MRPL13: variants seen among roughly 807,000 people sequenced by gnomAD.
The protein encoded by MRPL13 is mitochondrial ribosomal protein L13, also known as large ribosomal subunit protein uL13m.
MRPL13 carries 33 observed loss-of-function variants against 29.0 expected under a neutral mutation model. That is an observed-to-expected ratio of 1.14 (90% confidence interval 0.86 to 1.52). The LOEUF is 1.52. Ranked by LOEUF, MRPL13 falls within the 40% of genes most tolerant of loss-of-function variation. The pLI, the probability that MRPL13 is intolerant of heterozygous loss-of-function variation, is 0.00. For missense variants in MRPL13, 227 were observed against 216.7 expected (o/e 1.05, Z -0.30); for synonymous variants, 77 against 68.4 (o/e 1.13, Z -0.62).
rs368883631 is a variant in MRPL13, at chr8:120,415,571, G to A, written c.394-1459C>T. ...ATAGCAAAATATTTATAATATTTTA[G>A]GCAATTTAAATGAATTTTAAAAATT... On this transcript the variant is annotated intron_variant, in intron 5 of 6. Coordinates refer to ENST00000306185, the MANE Select transcript of MRPL13 (RefSeq NM_014078.6). 123 of 152,180 alleles carry A rather than the reference G, an allele frequency of 8.1e-4. 1 individual carries two copies. The highest frequency in any genetic ancestry group is 2.8e-3 in the African/African-American group (115 of 41,518). 9.4% of individuals were successfully genotyped at this position (152,180 alleles called of 1,614,324 possible). A position where few individuals can be genotyped will look rare whatever the true frequency, so the allele number is the denominator to read the frequency against.
At chr8:120,418,048 C>CT (rs1554633704) in intron 5 of MRPL13, among the ~76,000 whole-genome samples, 1 of 152,122 alleles carries the variant, frequency 6.6e-6, no homozygotes, top group Non-Finnish European at 1.5e-5. Context: ...GTAGTTGCAA[C>CT]TTTCTCTTCC....
At chr8:120,399,087 G>A (rs959050943) in intron 6 of MRPL13, among the ~76,000 whole-genome samples, 2 of 152,070 alleles carry the variant, frequency 1.3e-5, no homozygotes, top group East Asian at 3.8e-4. Context: ...TATCATCCAG[G>A]AGAACTTCCC....
chr8:120,428,623 GA>G (rs1337942784), intron 3 of MRPL13, among the ~76,000 whole-genome samples: 1 of 151,788 alleles, frequency 6.6e-6, no homozygotes, highest in Non-Finnish European at 1.5e-5. Flanking sequence ...GCATCATAAG[GA>G]ACTTAAATTT....
intron 6 of MRPL13, among the ~76,000 whole-genome samples, chr8:120,406,555 A>ATGTG (rs72150915): frequency 0.027 from 4,023 of 147,130 alleles, 75 homozygotes; most frequent in African/African-American, 0.052. Context: ...ATATGTGTGC[A>ATGTG]TGTGTGTGTG....
intron 2 of MRPL13, 50 bp from the exon 3 acceptor site, chr8:120,432,173 G>A (rs1371405002): frequency 7.1e-7 from 1 of 1,407,468 alleles, no homozygotes; most frequent in Non-Finnish European, 9.6e-7. Context: ...AAAACCTTAA[G>A]AAAAAGTGGC....
intron 4 of MRPL13, 105 bp from the exon 5 acceptor site, chr8:120,420,043 C>T (rs948434329): frequency 3.5e-5 from 22 of 636,248 alleles, no homozygotes; most frequent in African/African-American, 1.5e-4. Context: ...AGATTCAACA[C>T]GAATATAGGA....
chr8:120,409,883 G>C (rs1812721932), intron 6 of MRPL13, among the ~76,000 whole-genome samples: 2 of 152,048 alleles, frequency 1.3e-5, no homozygotes, highest in South Asian at 4.1e-4. Flanking sequence ...ACTAATGACT[G>C]AACAACAACT....
At chr8:120,421,038 C>T (rs544931803) in intron 4 of MRPL13, among the ~76,000 whole-genome samples, 1 of 151,582 alleles carries the variant, frequency 6.6e-6, no homozygotes, top group Non-Finnish European at 1.5e-5. Context: ...AAAAGTAATT[C>T]TAGCTGTACA....
chr8:120,441,465 G>A (rs1159631731), intron 2 of MRPL13, among the ~76,000 whole-genome samples: 2 of 152,130 alleles, frequency 1.3e-5, no homozygotes, highest in East Asian at 1.9e-4. Context: ...GGATAGCCAA[G>A]GGTACTAAGA....
chr8:120,443,724 T>C (rs1813161277), intron 1 of MRPL13, among the ~76,000 whole-genome samples: 1 of 151,916 alleles, frequency 6.6e-6, no homozygotes, highest in South Asian at 2.1e-4. Context: ...ATTTAGAGAT[T>C]ATTAGGTACA....
intron 6 of MRPL13, among the ~76,000 whole-genome samples, chr8:120,401,183 G>A (rs769338871): frequency 4.3e-4 from 66 of 152,260 alleles, no homozygotes; most frequent in Middle Eastern, 3.4e-3. Flanking sequence ...CCAAAATCTA[G>A]CAGAGGTACA....
intron 5 of MRPL13, 31 bp from the exon 6 acceptor site, chr8:120,414,143 T>C (rs1225812961): frequency 7.1e-7 from 1 of 1,414,976 alleles, no homozygotes; most frequent in South Asian, 1.6e-5. Flanking sequence ...GACTTAATTT[T>C]CTTAAAATAT....
chr8:120,435,453 T>C (rs547331721), intron 2 of MRPL13, among the ~76,000 whole-genome samples: 3 of 152,198 alleles, frequency 2.0e-5, no homozygotes, highest in Admixed American at 6.5e-5. Context: ...AGTGAGAACA[T>C]GCAGTATTTG....
At chr8:120,440,608 C>CAAAA (rs1201388855) in intron 2 of MRPL13, among the ~76,000 whole-genome samples, 53 of 125,156 alleles carry the variant, frequency 4.2e-4, no homozygotes, top group East Asian at 3.7e-3. Flanking sequence ...CTCTCTCTCT[C>CAAAA]AAAAAAAAAA....
chr8:120,414,193 A>C (rs1812775701), intron 5 of MRPL13, 81 bp from the exon 6 acceptor site: 1 of 1,021,666 alleles, frequency 9.8e-7, no homozygotes, highest in Non-Finnish European at 1.3e-6. Flanking sequence ...ATAAGTGTTA[A>C]AAAAATAAGC....
chr8:120,411,609 G>A (rs1212392209), intron 6 of MRPL13, among the ~76,000 whole-genome samples: 1 of 152,126 alleles, frequency 6.6e-6, no homozygotes, highest in East Asian at 1.9e-4. Context: ...TTCAGTAAAC[G>A]TATACCTATT....
At chr8:120,433,380 G>A (rs1225969993) in intron 2 of MRPL13, among the ~76,000 whole-genome samples, 2 of 152,042 alleles carry the variant, frequency 1.3e-5, no homozygotes, top group East Asian at 1.9e-4. Context: ...AGGCTCACAC[G>A]CTAAGTTACC....
intron 5 of MRPL13, among the ~76,000 whole-genome samples, chr8:120,417,978 TTAAAGA>T (rs1812823956): frequency 1.3e-5 from 2 of 152,240 alleles, no homozygotes; most frequent in Admixed American, 6.5e-5. Context: ...AAAAATAAAT[TTAAAGA>T]TAGTCTCTGA....
At chr8:120,442,376 G>C (rs1483005029) in intron 2 of MRPL13, among the ~76,000 whole-genome samples, 1 of 152,164 alleles carries the variant, frequency 6.6e-6, no homozygotes. Flanking sequence ...AATATTGATA[G>C]CAACATTAAT....
Sources: allele counts gnomAD v4.1 joint callset (sites outside exome capture counted in the v4.1 genomes callset), GRCh38; gene constraint gnomAD v4.1.1; transcripts MANE v1.5; gene names NCBI Gene and HGNC (gene_info 2026-07-23, HGNC 2026-07-21).